RIPOR3: variants seen among roughly 807,000 people sequenced by gnomAD.
RIPOR3 encodes family with sequence similarity 65 member C.
Under a neutral mutation model 114.3 loss-of-function variants are expected in RIPOR3, and 95 were observed. The ratio of observed to expected loss-of-function variants is 0.83; its 90% CI spans 0.70 to 0.99. The LOEUF is 0.99. Ranked by LOEUF, RIPOR3 falls within the 50% of genes least tolerant of loss-of-function variation. The pLI, the probability that RIPOR3 is intolerant of heterozygous loss-of-function variation, is 0.00. For missense variants in RIPOR3, 1,252 were observed against 1,266.9 expected (o/e 0.99, Z 0.18); for synonymous variants, 575 against 543.8 (o/e 1.06, Z -0.80).
intron 3 of RIPOR3, among the ~76,000 whole-genome samples, chr20:50,617,844 A>G (rs889293358): frequency 1.5e-4 from 22 of 151,580 alleles, no homozygotes; most frequent in African/African-American, 5.1e-4. Context: ...CGCTGGTCTC[A>G]AACTCCTGAA....
In RIPOR3 at chr20:50,595,470, T is replaced by G. The variant is rs2083255435; in HGVS notation, c.1949A>C (p.Gln650Pro). 1.2e-6 allele frequency: 2 copies of G among 1,614,030 alleles called. No individual in the cohort carries two copies. The highest frequency in any genetic ancestry group is 8.5e-7 in the Non-Finnish European group (1 of 1,180,022). The change falls in exon 16 of 22, where the codon CAG (glutamine) becomes CCG (proline). Residue 650 changes from glutamine to proline, a missense_variant. Gln to Pro is a moderately conservative substitution (Grantham distance 76). Transcript: ENST00000327979. ...LASPNLSRLV[Q>P]ECLLEEVAQQ... Reference sequence around the variant, plus strand: ...TGCCACTTCTTCCAGGAGGCATTCCTGGACCAGCCTTGATAAATTAGGGGA... The same window carrying G: ...TGCCACTTCTTCCAGGAGGCATTCCGGGACCAGCCTTGATAAATTAGGGGA...
At chr20:50,679,977 C>G (rs2086807904) in intron 1 of RIPOR3, among the ~76,000 whole-genome samples, 1 of 152,104 alleles carries the variant, frequency 6.6e-6, no homozygotes, top group Non-Finnish European at 1.5e-5. Flanking sequence ...GACAAACAAA[C>G]AGTAGACCTG....
At chr20:50,674,154 G>A (rs2086615480) in intron 1 of RIPOR3, among the ~76,000 whole-genome samples, 1 of 152,172 alleles carries the variant, frequency 6.6e-6, no homozygotes, top group African/African-American at 2.4e-5. Context: ...GGCCAGGAAA[G>A]AGCATATGTC....
intron 1 of RIPOR3, among the ~76,000 whole-genome samples, chr20:50,668,578 C>G (rs112670829): frequency 6.6e-6 from 1 of 152,122 alleles, no homozygotes; most frequent in African/African-American, 2.4e-5. Flanking sequence ...GGGAAATGGC[C>G]GGGCACAGTG....
At chr20:50,679,926 C>T (rs2086806848) in intron 1 of RIPOR3, among the ~76,000 whole-genome samples, 1 of 152,160 alleles carries the variant, frequency 6.6e-6, no homozygotes, top group South Asian at 2.1e-4. Flanking sequence ...CACTGCGCTC[C>T]AGCCTGGCAA....
At chr20:50,631,023 G>T (rs1170831113) in intron 1 of RIPOR3, among the ~76,000 whole-genome samples, 167 bp from the exon 2 acceptor site, 1 of 152,218 alleles carries the variant, frequency 6.6e-6, no homozygotes, top group Non-Finnish European at 1.5e-5. Context: ...GTCCCATGAG[G>T]TTAGGGGACC....
intron 1 of RIPOR3, among the ~76,000 whole-genome samples, chr20:50,675,937 T>G (rs1320390186): frequency 6.6e-6 from 1 of 152,164 alleles, no homozygotes; most frequent in Non-Finnish European, 1.5e-5. Flanking sequence ...CCCTTAAATA[T>G]CCTCAGACAA....
chr20:50,604,545 T>C, intron 12 of RIPOR3, 100 bp downstream of exon 12: 1 of 1,453,096 alleles, frequency 6.9e-7, no homozygotes, highest in South Asian at 1.5e-5. Context: ...AGCCCGAGGC[T>C]TGCCATGTCT....
At chr20:50,670,328 C>T (rs2086426000) in intron 1 of RIPOR3, among the ~76,000 whole-genome samples, 1 of 152,034 alleles carries the variant, frequency 6.6e-6, no homozygotes, top group East Asian at 1.9e-4. Flanking sequence ...AAATCCCTCT[C>T]CTCCTGGGAA....
At chr20:50,632,704 AT>A (rs1219810508) in intron 1 of RIPOR3, among the ~76,000 whole-genome samples, 5 of 152,232 alleles carry the variant, frequency 3.3e-5, no homozygotes, top group Non-Finnish European at 7.3e-5. Flanking sequence ...AAATTATGAA[AT>A]CCATACAACC....
Position 50,604,753 on chromosome 20 carries a change from G to A in RIPOR3, c.978C>T (p.Phe326=), listed in dbSNP as rs780003881. The A allele has an allele frequency of 1.2e-6, 2 of 1,608,360 alleles. No individual in the cohort carries two copies. The highest frequency in any genetic ancestry group is 1.7e-6 in the Non-Finnish European group (2 of 1,177,966). Residue 326 remains phenylalanine (F), a synonymous_variant, in exon 12 of 22, where the codon TTC becomes TTT. Coordinates refer to ENST00000327979, the MANE Select transcript of RIPOR3 (RefSeq NM_001290268.2). ...TGCCCGTGGGGCTGGGTGACACCAG[G>A]AAGCTCTCAGTATCAAACGGGCTGG... ...VQWNPFDTES[F]LVSPSPTGKF...
intron 2 of RIPOR3, among the ~76,000 whole-genome samples, chr20:50,625,323 T>TGGC (rs1303705188): frequency 1.3e-5 from 2 of 152,308 alleles, no homozygotes; most frequent in African/African-American, 4.8e-5. Flanking sequence ...CCGCCTGCCT[T>TGGC]GGCCTCCCAA....
At chr20:50,647,079 G>A (rs764915014) in intron 1 of RIPOR3, among the ~76,000 whole-genome samples, 14 of 152,134 alleles carry the variant, frequency 9.2e-5, no homozygotes, top group Non-Finnish European at 1.8e-4. Context: ...CCGCACTTTC[G>A]GAGGCCGAGG....
chr20:50,680,146 G>A (rs1199552652), intron 1 of RIPOR3, among the ~76,000 whole-genome samples: 3 of 152,170 alleles, frequency 2.0e-5, no homozygotes, highest in Non-Finnish European at 4.4e-5. Flanking sequence ...CTGGCCTTGG[G>A]GAGCAGGTGT....
At chr20:50,672,577 C>T (rs969307003) in intron 1 of RIPOR3, among the ~76,000 whole-genome samples, 1 of 152,202 alleles carries the variant, frequency 6.6e-6, no homozygotes, top group Non-Finnish European at 1.5e-5. Context: ...GGGAAGGCCG[C>T]GGCCAGCTGG....
At position 50,597,638 on chromosome 20, in the gene RIPOR3, G is replaced by A; in HGVS notation, c.1732C>T (p.Leu578Phe). 5 of 1,612,294 alleles carry A rather than the reference G, an allele frequency of 3.1e-6. No individual in the cohort carries two copies. The highest frequency in any genetic ancestry group is 4.2e-6 in the Non-Finnish European group (5 of 1,179,198). The change falls in exon 14 of 22, where the codon CTC becomes TTC. Residue 578 changes from leucine (L) to phenylalanine (F), a missense_variant. Physicochemically the swap from Leu to Phe is conservative, Grantham distance 22. Transcript: ENST00000327979. ...MECILESFAF[L>F]NADFALDELS... ...TCATCCAGGGCGAAGTCGGCATTGA[G>A]GAAGGCGAAGCTCTCCAGGATGCAC...
rs1206448104 is a variant in RIPOR3, at chr20:50,616,012, T to C, written c.338A>G (p.Asn113Ser). Residue 113 changes from asparagine to serine, a missense_variant, in exon 4 of 22, where the codon AAT becomes AGT. Asn to Ser is a conservative substitution (Grantham distance 46). Coordinates refer to ENST00000327979, the MANE Select transcript of RIPOR3 (RefSeq NM_001290268.2). ...LSGRHKDTRR[N>S]SRLAFYYDLD... ...AGGGAGGGGTCTCACCAGCCTGGAA[T>C]TCCTCCTGGTGTCTTTGTGGCGTCC... 7 of 1,608,744 alleles carry C rather than the reference T, an allele frequency of 4.4e-6. No individual in the cohort carries two copies. The highest frequency in any genetic ancestry group is 5.1e-6 in the Non-Finnish European group (6 of 1,177,796).
At chr20:50,597,462 A>C in intron 14 of RIPOR3, 118 bp downstream of exon 14, 14 of 1,401,460 alleles carry the variant, frequency 1.0e-5, no homozygotes, top group Middle Eastern at 2.4e-4. Context: ...TAGAGTGACA[A>C]GAGCTGAGCC....
rs2082933935 is a variant in RIPOR3 at position 50,586,723 on chromosome 20, G to A, written c.*509C>T. ...CCCACCTTCCCCAGCTCACCAAGGT[G>A]ACACCTGGCTGCTGCTGAAATGGCC... On this transcript the variant is annotated 3_prime_UTR_variant, in exon 22 of 22. Coordinates refer to ENST00000327979, the MANE Select transcript of RIPOR3 (RefSeq NM_001290268.2). The A allele has an allele frequency of 1.3e-5, 2 of 154,976 alleles. No homozygotes were observed. Among genetic ancestry groups the A allele is most frequent in the Non-Finnish European group, 2.9e-5 (2 of 69,678 alleles). The allele number at this position is 154,976 out of a possible 1,614,324, so 9.6% of individuals were successfully genotyped here.
Sources: allele counts gnomAD v4.1 joint callset (sites outside exome capture counted in the v4.1 genomes callset), GRCh38; gene constraint gnomAD v4.1.1; transcripts MANE v1.5; gene names NCBI Gene and HGNC (gene_info 2026-07-23, HGNC 2026-07-21).